Variants in KCNG2 observed in about 807,000 individuals in gnomAD.
The protein encoded by KCNG2 is potassium voltage-gated channel modifier subfamily G member 2.
KCNG2 carries 7 observed loss-of-function variants against 12.3 expected under a neutral mutation model. The ratio of observed to expected loss-of-function variants is 0.57; its 90% confidence interval spans 0.32 to 1.07. The LOEUF (loss-of-function observed/expected upper bound fraction) is 1.07. KCNG2 is among the 50% of genes least tolerant of loss of function. KCNG2 has a pLI of 0.04. For missense variants in KCNG2, 703 were observed against 726.0 expected (o/e 0.97, Z 0.36); for synonymous variants, 414 against 351.4 (o/e 1.18, Z -1.99).
At chr18:79,816,659 G>A (rs1401228482) in intron 1 of KCNG2, 2 of 152,212 alleles carry the variant, frequency 1.3e-5, no homozygotes, top group African/African-American at 2.4e-5. Flanking sequence ...TGTGAGCAAC[G>A]TGTCATTTGC....
At chr18:79,859,439 T>G (rs1318516753) in intron 2 of KCNG2, among the ~76,000 whole-genome samples, 1 of 152,154 alleles carries the variant, frequency 6.6e-6, no homozygotes, top group Non-Finnish European at 1.5e-5. Context: ...GGAGCTGGTG[T>G]GTGCAGAGAC....
intron 3 of KCNG2, among the ~76,000 whole-genome samples, chr18:79,885,370 G>T (rs112932559): frequency 6.6e-6 from 1 of 152,206 alleles, no homozygotes; most frequent in African/African-American, 2.4e-5. Flanking sequence ...ATCAATCAGG[G>T]TCTGTTTTCT....
At chr18:79,878,213 G>A (rs1484665185) in intron 3 of KCNG2, among the ~76,000 whole-genome samples, 1 of 152,246 alleles carries the variant, frequency 6.6e-6, no homozygotes, top group African/African-American at 2.4e-5. Flanking sequence ...TGAGACTTCA[G>A]TGTAGATCCT....
chr18:79,874,630 G>A (rs1290065045), intron 3 of KCNG2, among the ~76,000 whole-genome samples: 1 of 152,256 alleles, frequency 6.6e-6, no homozygotes, highest in East Asian at 1.9e-4. Flanking sequence ...GGTTCAGATG[G>A]CAGCCGTCTG....
At chr18:79,846,414 GAAAA>G (rs887236018) in intron 1 of KCNG2, among the ~76,000 whole-genome samples, 1 of 129,264 alleles carries the variant, frequency 7.7e-6, no homozygotes, top group African/African-American at 2.8e-5. Flanking sequence ...CTCTGTCTCA[GAAAA>G]AAAAAAGAAA....
In KCNG2 at chr18:79,803,887, G is replaced by A. The variant is rs1239601074; in HGVS notation, c.-115+5873G>A. 6.6e-6 allele frequency among the ~76,000 whole-genome samples: 1 copy of A among 152,228 alleles called. No homozygotes were observed. The highest frequency in any genetic ancestry group is 1.5e-5 in the Non-Finnish European group (1 of 68,042). Reference sequence around the variant, plus strand: ...AGGCCTCCGTGTTGGTTTCTCCGGGGTTGGTGCCGGTGGATCAGAATCTTA... The same window carrying A: ...AGGCCTCCGTGTTGGTTTCTCCGGGATTGGTGCCGGTGGATCAGAATCTTA... On this transcript the variant is annotated intron_variant, in intron 1 of 3. Coordinates refer to ENST00000316249, the MANE Select transcript of KCNG2 (RefSeq NM_012283.2). The surrounding 1 kb of genome is among the most constrained non-coding windows in gnomAD (Gnocchi z 4.5).
intron 1 of KCNG2, among the ~76,000 whole-genome samples, chr18:79,827,722 C>T (rs1395502005): frequency 2.6e-5 from 4 of 152,174 alleles, no homozygotes; most frequent in Non-Finnish European, 4.4e-5. Context: ...CCACCCAGTG[C>T]CGCAGCTCTG....
chr18:79,830,009 A>G (rs1359087510), intron 1 of KCNG2, among the ~76,000 whole-genome samples: 1 of 152,244 alleles, frequency 6.6e-6, no homozygotes, highest in Non-Finnish European at 1.5e-5. Flanking sequence ...CTGTCTGAGA[A>G]AAAGGCACAA....
At position 79,809,644 on chromosome 18, in the gene KCNG2, C is replaced by A. The variant is rs567001973; in HGVS notation, c.-115+11630C>A. On this transcript the variant is annotated intron_variant, in intron 1 of 3. Transcript: ENST00000316249. Reference sequence around the variant, plus strand: ...CCTCGCCCTGAGGAGCTGCCGGGGCCTCACTGACCACACCACGTTCCGGGT... The same window carrying A: ...CCTCGCCCTGAGGAGCTGCCGGGGCATCACTGACCACACCACGTTCCGGGT... Among the ~76,000 whole-genome samples, 4 of 152,092 alleles carry A rather than the reference C, an allele frequency of 2.6e-5. No individual in the cohort carries two copies. In the South Asian group the frequency reaches 8.3e-4, roughly 32 times the overall value.
chr18:79,883,920 G>A (rs1164301881), intron 3 of KCNG2, among the ~76,000 whole-genome samples: 1 of 152,156 alleles, frequency 6.6e-6, no homozygotes, highest in Admixed American at 6.5e-5. Context: ...GTCCCCACCG[G>A]CACGTCCACG....
At chr18:79,818,116 C>T (rs997360878) in intron 1 of KCNG2, among the ~76,000 whole-genome samples, 4 of 152,238 alleles carry the variant, frequency 2.6e-5, no homozygotes, top group Non-Finnish European at 4.4e-5. Context: ...CCAGGAAGAA[C>T]GAGCCACAGA....
At chr18:79,829,085 G>A (rs1978289136) in intron 1 of KCNG2, among the ~76,000 whole-genome samples, 1 of 99,864 alleles carries the variant, frequency 1.0e-5, no homozygotes, top group South Asian at 4.4e-4. Context: ...TCTGTGTGTG[G>A]GTGTCTATGT....
At chr18:79,810,723 C>G (rs2087488266) in intron 1 of KCNG2, among the ~76,000 whole-genome samples, 1 of 152,120 alleles carries the variant, frequency 6.6e-6, no homozygotes. Flanking sequence ...ACAATCACAC[C>G]ATCACACTCC....
intron 3 of KCNG2, among the ~76,000 whole-genome samples, chr18:79,887,642 G>A (rs954526233): frequency 6.6e-6 from 1 of 152,186 alleles, no homozygotes; most frequent in African/African-American, 2.4e-5. Flanking sequence ...GCCCAAGCCT[G>A]GCGTCCCGAG....
intron 1 of KCNG2, among the ~76,000 whole-genome samples, chr18:79,827,010 G>T (rs1048023883): frequency 6.6e-6 from 1 of 152,268 alleles, no homozygotes; most frequent in East Asian, 1.9e-4. Flanking sequence ...TTTCTGTTCA[G>T]GACGCTGAGC....
At chr18:79,888,406 G>A (rs1053322364) in intron 3 of KCNG2, among the ~76,000 whole-genome samples, 2 of 149,890 alleles carry the variant, frequency 1.3e-5, no homozygotes, top group East Asian at 2.0e-4. Flanking sequence ...CCGGGACGGC[G>A]GCGTCCTCCT....
intron 1 of KCNG2, chr18:79,815,935 C>T (rs1259009253): frequency 6.6e-6 from 1 of 152,244 alleles, no homozygotes; most frequent in Non-Finnish European, 1.5e-5. Flanking sequence ...CCACGTAAAA[C>T]TATGCAGAGA....
chr18:79,833,913 T>C lies in KCNG2; in HGVS notation c.-114-22466T>C, dbSNP rs144954150. ...AAAGGCCAAGGGTGGCGATCCTTGC[T>C]AGAGGGTCAGAGTTGTGCACATCTG... On this transcript the variant is annotated intron_variant, in intron 1 of 3. Coordinates refer to ENST00000316249, the MANE Select transcript of KCNG2 (RefSeq NM_012283.2). 3.9e-5 allele frequency among the ~76,000 whole-genome samples: 6 copies of C among 152,350 alleles called. No individual in the cohort carries two copies. In the East Asian group the frequency reaches 1.2e-3, roughly 29 times the overall value.
At chr18:79,861,310 ACT>A (rs1421354600) in intron 2 of KCNG2, among the ~76,000 whole-genome samples, 1 of 111,036 alleles carries the variant, frequency 9.0e-6, no homozygotes, top group Non-Finnish European at 1.7e-5. Context: ...TGGAGTTCTC[ACT>A]CTGTTACCCA....
Sources: allele counts gnomAD v4.1 joint callset (sites outside exome capture counted in the v4.1 genomes callset), GRCh38; gene constraint gnomAD v4.1.1; non-coding constraint Gnocchi (gnomAD v3.1); transcripts MANE v1.5; gene names NCBI Gene and HGNC (gene_info 2026-07-23, HGNC 2026-07-21).